The following KCNT2 variants were observed in gnomAD, a reference collection of about 807,000 sequenced individuals.
The protein encoded by KCNT2 is potassium sodium-activated channel subfamily T member 2, also known as potassium channel subfamily T member 2.
A neutral mutation model predicts 153.8 loss-of-function variants in KCNT2; 67 were observed. The ratio of observed to expected loss-of-function variants is 0.44; its 90% confidence interval spans 0.36 to 0.53. KCNT2 has a LOEUF of 0.53. Ranked by LOEUF, KCNT2 falls within the 20% of genes least tolerant of loss-of-function variation. The pLI is 0.00. For missense variants in KCNT2, 975 were observed against 1,354.8 expected (o/e 0.72, Z 4.40); for synonymous variants, 500 against 458.8 (o/e 1.09, Z -1.15).
chr1:196,573,589 C>T (rs974469486), intron 1 of KCNT2, among the ~76,000 whole-genome samples: 5 of 151,708 alleles, frequency 3.3e-5, no homozygotes, highest in African/African-American at 9.7e-5. Flanking sequence ...TTCCAATATC[C>T]TTCAAAGTGT....
At chr1:196,417,397 T>G (rs184506664) in intron 12 of KCNT2, among the ~76,000 whole-genome samples, 5 of 152,154 alleles carry the variant, frequency 3.3e-5, no homozygotes, top group Admixed American at 2.6e-4. Context: ...AACCTATACA[T>G]GTACATAGTC....
intron 1 of KCNT2, among the ~76,000 whole-genome samples, chr1:196,508,743 T>C (rs1681360780): frequency 8.5e-5 from 13 of 152,192 alleles, no homozygotes; most frequent in Admixed American, 8.5e-4. Context: ...TGAAGTAACA[T>C]TTTATATCCA....
intron 17 of KCNT2, among the ~76,000 whole-genome samples, chr1:196,333,615 A>G (rs985737143): frequency 1.3e-5 from 2 of 152,120 alleles, no homozygotes; most frequent in African/African-American, 4.8e-5. Context: ...GAGCAAAATG[A>G]GACTGGAAAT....
intron 1 of KCNT2, among the ~76,000 whole-genome samples, chr1:196,547,988 A>T (rs926217873): frequency 3.3e-5 from 5 of 151,902 alleles, no homozygotes; most frequent in Admixed American, 2.6e-4. Flanking sequence ...TTAGCATTTC[A>T]AAGTGTCTAA....
At chr1:196,416,897 C>T (rs1448518723) in intron 12 of KCNT2, among the ~76,000 whole-genome samples, 1 of 151,832 alleles carries the variant, frequency 6.6e-6, no homozygotes, top group East Asian at 1.9e-4. Context: ...ACCCATTAAC[C>T]ATCCCAATCT....
At chr1:196,451,217 C>CTTTTTTTTT (rs561944079) in intron 8 of KCNT2, among the ~76,000 whole-genome samples, 8 of 63,450 alleles carry the variant, frequency 1.3e-4, no homozygotes, top group East Asian at 7.1e-4. Context: ...ATCCCTCTTT[C>CTTTTTTTTT]TTTTTTTTTT....
At chr1:196,561,341 T>C (rs1659357452) in intron 1 of KCNT2, among the ~76,000 whole-genome samples, 1 of 151,592 alleles carries the variant, frequency 6.6e-6, no homozygotes, top group Non-Finnish European at 1.5e-5. Context: ...GACTAGTCTT[T>C]CCTAACTAAT....
intron 21 of KCNT2, among the ~76,000 whole-genome samples, chr1:196,314,351 A>G (rs1662493168): frequency 6.6e-6 from 1 of 151,530 alleles, no homozygotes; most frequent in Non-Finnish European, 1.5e-5. Context: ...CTCATCCTTG[A>G]ATTAATTTTC....
chr1:196,402,314 T>C (rs1671482126), intron 12 of KCNT2, among the ~76,000 whole-genome samples: 1 of 151,554 alleles, frequency 6.6e-6, no homozygotes, highest in Non-Finnish European at 1.5e-5. Flanking sequence ...AAATATATAA[T>C]CTGAATAAAG....
At chr1:196,316,740 C>T (rs1413277159) in intron 20 of KCNT2, among the ~76,000 whole-genome samples, 1 of 141,652 alleles carries the variant, frequency 7.1e-6, no homozygotes, top group East Asian at 2.1e-4. Context: ...CTATCACTGA[C>T]AAAAAAAAAA....
intron 25 of KCNT2, among the ~76,000 whole-genome samples, chr1:196,262,126 A>G (rs1657083091): frequency 6.6e-6 from 1 of 151,898 alleles, no homozygotes; most frequent in African/African-American, 2.4e-5. Flanking sequence ...AAAATAGCTG[A>G]TTATATTATA....
chr1:196,525,480 G>A (rs1654051353), intron 1 of KCNT2, among the ~76,000 whole-genome samples: 1 of 152,174 alleles, frequency 6.6e-6, no homozygotes, highest in Non-Finnish European at 1.5e-5. Context: ...AGAAATATAT[G>A]TGTTAGATGA....
chr1:196,375,929 T>A (rs1668927574), intron 13 of KCNT2, among the ~76,000 whole-genome samples: 1 of 151,886 alleles, frequency 6.6e-6, no homozygotes, highest in African/African-American at 2.4e-5. Flanking sequence ...AATATTCAAC[T>A]GGATAATAAT....
At chr1:196,475,560 A>G (rs567846717) in intron 5 of KCNT2, among the ~76,000 whole-genome samples, 1 of 152,140 alleles carries the variant, frequency 6.6e-6, no homozygotes, top group South Asian at 2.1e-4. Context: ...GGTAGAGACA[A>G]TCACGCCACT....
rs543296027 is a variant in KCNT2 at position 196,590,912 on chromosome 1, G to C, written c.95+17303C>G. 4.6e-5 allele frequency among the ~76,000 whole-genome samples: 7 copies of C among 152,124 alleles called. No homozygotes were observed. In the East Asian group the frequency reaches 1.2e-3, roughly 25 times the overall value. On this transcript the variant is annotated intron_variant, in intron 1 of 27. Transcript: ENST00000294725. The stretch of plus-strand genomic sequence containing the variant: ...AGGAGGAGGTGGGTGGATCACTTGA[G>C]GCCAGGAGTTCAAGACCTGCCTGGG...
intron 14 of KCNT2, among the ~76,000 whole-genome samples, chr1:196,346,545 G>GT (rs1168560488): frequency 6.6e-6 from 1 of 151,924 alleles, no homozygotes; most frequent in Non-Finnish European, 1.5e-5. Context: ...TTCAATTATT[G>GT]TAACTGCACA....
chr1:196,599,675 C>A (rs553063775), intron 1 of KCNT2, among the ~76,000 whole-genome samples: 1 of 152,138 alleles, frequency 6.6e-6, no homozygotes, highest in East Asian at 1.9e-4. Flanking sequence ...TGCTGCCAGG[C>A]GATTGTCCCC....
chr1:196,445,230 C>A (rs1557943996), intron 8 of KCNT2, among the ~76,000 whole-genome samples: 1 of 151,258 alleles, frequency 6.6e-6, no homozygotes, highest in South Asian at 2.1e-4. Flanking sequence ...GTAAGATTAA[C>A]ACTCAATTTA....
At position 196,469,038 on chromosome 1, in the gene KCNT2, G is replaced by A. The variant is rs1677855979; in HGVS notation, c.415C>T (p.Pro139Ser). 1.2e-6 allele frequency: 2 copies of A among 1,601,018 alleles called. No individual in the cohort carries two copies. The highest frequency in any genetic ancestry group is 8.5e-7 in the Non-Finnish European group (1 of 1,171,422). Reference sequence around the variant, plus strand: ...GCATTAATTATTTCCAAGATGAAGGGTATTCGTAAAATCTGTTCCCAGATG... The same window carrying A: ...GCATTAATTATTTCCAAGATGAAGGATATTCGTAAAATCTGTTCCCAGATG... The part of the protein sequence containing the change: ...GNIWEQILRI[P>S]FILEIINAVP... Residue 139 changes from proline (P) to serine (S), a missense_variant, in exon 6 of 28, where the codon CCC (proline) becomes TCC (serine). This residue lies in a region of KCNT2 where 140 missense variants were observed against 216.0 expected (regional missense o/e 0.65). Coordinates refer to ENST00000294725, the MANE Select transcript of KCNT2 (RefSeq NM_198503.5).
Sources: allele counts gnomAD v4.1 joint callset (sites outside exome capture counted in the v4.1 genomes callset), GRCh38; gene constraint gnomAD v4.1.1; regional missense constraint gnomAD v4.1.1; transcripts MANE v1.5; gene names NCBI Gene and HGNC (gene_info 2026-07-23, HGNC 2026-07-21).